Variants in TRIM24 observed in about 807,000 individuals in gnomAD.
TRIM24 encodes the protein tripartite motif containing 24, also known as transcription intermediary factor 1-alpha.
TRIM24 carries 29 observed loss-of-function variants against 123.9 expected under a neutral mutation model. The observed-to-expected ratio is 0.23, with a 90% CI of 0.17 to 0.32. The LOEUF is 0.32. TRIM24 is among the 10% of genes least tolerant of loss of function. The pLI, the probability that TRIM24 is intolerant of heterozygous loss-of-function variation, is 1.00. For synonymous variants in TRIM24, 456 were observed against 461.1 expected, an observed-to-expected ratio of 0.99 and a Z score of 0.14; for missense variants, 932 against 1,295.3, an observed-to-expected ratio of 0.72 and a Z score of 4.31.
chr7:138,476,384 G>A (rs1243868945), intron 1 of TRIM24, among the ~76,000 whole-genome samples: 3 of 151,908 alleles, frequency 2.0e-5, no homozygotes, highest in Non-Finnish European at 2.9e-5. Context: ...CATGAGGTCA[G>A]GAGTCCGAGA....
chr7:138,567,612 C>A lies in TRIM24; in HGVS notation c.1662C>A (p.Asn554Lys). Residue 554 changes from asparagine (N) to lysine (K), a missense_variant, in exon 10 of 19, where the codon AAC (asparagine) becomes AAA (lysine). Around this residue, in one of 7 missense-constraint regions of TRIM24, gnomAD observed 527 missense variants for 691.3 expected, o/e 0.76. Transcript: ENST00000343526. ...QNIPRQAIKP[N>K]PLQMAFLAQQ... ...TACCACGACAAGCAATAAAGCCAAA[C>A]CCCCTACAGATGGCTTTCTTGGCTC... The A allele has an allele frequency of 6.2e-7, 1 of 1,613,464 alleles. No homozygotes were observed. The highest frequency in any genetic ancestry group is 8.5e-7 in the Non-Finnish European group (1 of 1,179,752).
chr7:138,577,327 G>A (rs908262406), intron 13 of TRIM24, 93 bp from the exon 14 acceptor site: 2 of 1,001,788 alleles, frequency 2.0e-6, no homozygotes, highest in African/African-American at 3.3e-5. Context: ...TTGTTGTGAA[G>A]ATACAGTATT....
At chr7:138,531,829 C>G (rs1300874632) in intron 6 of TRIM24, among the ~76,000 whole-genome samples, 1 of 152,232 alleles carries the variant, frequency 6.6e-6, no homozygotes, top group African/African-American at 2.4e-5. Context: ...TTTACAGTCT[C>G]ACCAACAGTG....
chr7:138,555,097 G>C, intron 9 of TRIM24, 131 bp downstream of exon 9: 1 of 961,610 alleles, frequency 1.0e-6, no homozygotes, highest in Non-Finnish European at 1.5e-6. Flanking sequence ...TCACATTAAG[G>C]ATCCCTGATT....
intron 1 of TRIM24, among the ~76,000 whole-genome samples, chr7:138,483,104 CG>C (rs145083739): frequency 4.0e-5 from 6 of 150,700 alleles, no homozygotes; most frequent in African/African-American, 1.2e-4. Context: ...ATTTTTGTAG[CG>C]GGGGGGGTCT....
chr7:138,579,174 C>G (rs575712075), intron 14 of TRIM24, 30 bp from the exon 15 acceptor site: 1 of 1,520,692 alleles, frequency 6.6e-7, no homozygotes, highest in East Asian at 2.3e-5. Flanking sequence ...TTTTTTAAAG[C>G]CAGTTAAATA....
chr7:138,535,988 T>A (rs1796863584), intron 6 of TRIM24, among the ~76,000 whole-genome samples: 1 of 152,216 alleles, frequency 6.6e-6, no homozygotes, highest in Non-Finnish European at 1.5e-5. Context: ...ACTGATACCC[T>A]TTCTTCCAGT....
chr7:138,577,692 G>T, intron 14 of TRIM24, 104 bp downstream of exon 14: 4 of 955,678 alleles, frequency 4.2e-6, no homozygotes, highest in Non-Finnish European at 5.7e-6. Flanking sequence ...TATTTAAAAG[G>T]ATTTAAAGAC....
At chr7:138,523,031 A>T (rs1796535788) in intron 4 of TRIM24, among the ~76,000 whole-genome samples, 1 of 152,220 alleles carries the variant, frequency 6.6e-6, no homozygotes, top group Admixed American at 6.5e-5. Flanking sequence ...CTAAACATTT[A>T]TTGCAGTTTA....
At chr7:138,486,143 A>G (rs1337262565) in intron 1 of TRIM24, among the ~76,000 whole-genome samples, 1 of 152,154 alleles carries the variant, frequency 6.6e-6, no homozygotes, top group Non-Finnish European at 1.5e-5. Flanking sequence ...TTTTCTTTTG[A>G]AAAGTGTCTG....
At chr7:138,572,827 A>C (rs1056127197) in intron 11 of TRIM24, among the ~76,000 whole-genome samples, 1 of 152,336 alleles carries the variant, frequency 6.6e-6, no homozygotes, top group Non-Finnish European at 1.5e-5. Context: ...CTTACTCATT[A>C]GGGATTTGTA....
chr7:138,584,634 A>AG, intron 18 of TRIM24, 108 bp from the exon 19 acceptor site: 1 of 851,672 alleles, frequency 1.2e-6, no homozygotes, highest in Non-Finnish European at 1.8e-6. Flanking sequence ...CTAAACTATT[A>AG]TTTCAATGAC....
intron 1 of TRIM24, among the ~76,000 whole-genome samples, chr7:138,463,739 C>T (rs1000843810): frequency 6.6e-6 from 1 of 152,090 alleles, no homozygotes; most frequent in Non-Finnish European, 1.5e-5. Flanking sequence ...TAATTACAAT[C>T]TGAATATTTT....
chr7:138,512,769 A>G (rs1796316782), intron 2 of TRIM24, among the ~76,000 whole-genome samples: 1 of 151,998 alleles, frequency 6.6e-6, no homozygotes, highest in Non-Finnish European at 1.5e-5. Context: ...GGCTCCTCAG[A>G]ATGTCTCTGA....
chr7:138,461,348 C>G, intron 1 of TRIM24: 1 of 430,718 alleles, frequency 2.3e-6, no homozygotes, highest in South Asian at 1.7e-5. Flanking sequence ...GTTATTTGAG[C>G]TGCAGGGGAG....
chr7:138,515,160 G>A (rs1796370086), intron 2 of TRIM24, 52 bp from the exon 3 acceptor site: 2 of 1,578,020 alleles, frequency 1.3e-6, no homozygotes, highest in South Asian at 2.3e-5. Flanking sequence ...GCTCGAGATA[G>A]GACCACCTTT....
intron 6 of TRIM24, among the ~76,000 whole-genome samples, chr7:138,537,314 G>A (rs996650147): frequency 3.3e-5 from 5 of 150,842 alleles, no homozygotes; most frequent in Non-Finnish European, 5.9e-5. Context: ...ACTCACGCTG[G>A]GAGCTGTAGA....
intron 6 of TRIM24, 149 bp downstream of exon 6, chr7:138,529,379 T>G (rs1796679107): frequency 2.4e-6 from 1 of 417,628 alleles, no homozygotes; most frequent in African/African-American, 2.1e-5. Flanking sequence ...TTGCTGGGTT[T>G]TGTATTGTAG....
Position 138,552,670 on chromosome 7 carries a change from C to T in TRIM24, c.1261+1490C>T, listed in dbSNP as rs575595237. On this transcript the variant is annotated intron_variant, in intron 8 of 18. Transcript: ENST00000343526. ...AATGGCTGGAGAAAGAGCCCATACTCACCAGGAAAGGAGGAAATAGGCAAT... is the reference window on the plus strand; with the variant it reads ...AATGGCTGGAGAAAGAGCCCATACTTACCAGGAAAGGAGGAAATAGGCAAT... 1.6e-4 allele frequency among the ~76,000 whole-genome samples: 24 copies of T among 152,200 alleles called. No homozygotes were observed. In the South Asian group the frequency reaches 5.0e-3, roughly 32 times the overall value.
Sources: allele counts gnomAD v4.1 joint callset (sites outside exome capture counted in the v4.1 genomes callset), GRCh38; gene constraint gnomAD v4.1.1; regional missense constraint gnomAD v4.1.1; transcripts MANE v1.5; gene names NCBI Gene and HGNC (gene_info 2026-07-23, HGNC 2026-07-21).